Variants in MTA3 observed in about 807,000 individuals in gnomAD.
The protein encoded by MTA3 is metastasis associated 1 family member 3, also known as metastasis-associated protein MTA3.
In MTA3, 34 loss-of-function variants were observed where a neutral mutation model predicts 83.5. The observed-to-expected ratio is 0.41, with a 90% confidence interval of 0.31 to 0.54. MTA3 has a LOEUF of 0.54. MTA3 is among the 20% of genes least tolerant of loss of function. The pLI, the probability that MTA3 is intolerant of heterozygous loss-of-function variation, is 0.33. For synonymous variants in MTA3, 303 were observed against 252.7 expected (o/e 1.20, Z -1.89); for missense variants, 761 against 726.4 (o/e 1.05, Z -0.55).
chr2:42,610,157 T>C (rs1037820336), intron 4 of MTA3, among the ~76,000 whole-genome samples: 2 of 152,132 alleles, frequency 1.3e-5, no homozygotes, highest in Non-Finnish European at 2.9e-5. Context: ...CCCGATTGAT[T>C]TGAATATCTT....
intron 8 of MTA3, among the ~76,000 whole-genome samples, chr2:42,663,869 A>G (rs1172282434): frequency 6.6e-6 from 1 of 152,140 alleles, no homozygotes; most frequent in African/African-American, 2.4e-5. Context: ...TTCCATTCTG[A>G]AGCTTAGTAA....
At position 42,682,505 on chromosome 2, in the gene MTA3, G is replaced by A. The variant is rs1692021039; in HGVS notation, c.807G>A (p.Glu269=). The A allele has an allele frequency of 6.2e-7, 1 of 1,612,416 alleles. No homozygotes were observed. Among genetic ancestry groups the A allele is most frequent in the Non-Finnish European group, 8.5e-7 (1 of 1,179,320 alleles). ...GGPVLCRDEM[E]EWSASEASLF... ...CTGTTTTATGCAGAGATGAAATGGA[G>A]GAATGGTCAGCCTCTGAAGCTAGCT... Residue 269 remains glutamate, a synonymous_variant, in exon 9 of 17, where the codon GAG becomes GAA. Transcript: ENST00000405094.
intron 4 of MTA3, among the ~76,000 whole-genome samples, chr2:42,634,859 C>T (rs911181066): frequency 6.6e-6 from 1 of 151,812 alleles, no homozygotes; most frequent in South Asian, 2.1e-4. Context: ...TTCCCTATTC[C>T]CTTTGCCATC....
At position 42,609,482 on chromosome 2, in the gene MTA3, C is replaced by T. The variant is rs1292705801; in HGVS notation, c.215C>T (p.Thr72Ile). ...GAAGAAATTGAGGAAGAATCTGAAA[C>T]AACAGTTGAGGCTGACTTGACCGAT... is the stretch of plus-strand genomic sequence containing the variant. ...HAKEIEEESE[T>I]TVEADLTDKQ... The change falls in exon 4 of 17, where the codon ACA (threonine) becomes ATA (isoleucine). Residue 72 changes from threonine to isoleucine, a missense_variant. By Grantham distance (89) the Thr-to-Ile change is moderately conservative (BLOSUM62 -1). Coordinates refer to ENST00000405094, the MANE Select transcript of MTA3 (RefSeq NM_001330442.2). 3.7e-6 allele frequency: 6 copies of T among 1,613,614 alleles called. No homozygotes were observed. The highest frequency in any genetic ancestry group is 3.3e-4 in the Middle Eastern group (2 of 6,062).
intron 3 of MTA3, among the ~76,000 whole-genome samples, chr2:42,580,229 C>T (rs1679464915): frequency 6.6e-6 from 1 of 152,082 alleles, no homozygotes; most frequent in African/African-American, 2.4e-5. Context: ...GATCCTCCTG[C>T]CTCAGCTTTC....
In MTA3 at chr2:42,719,022, A is replaced by T. The variant is rs1261278425; in HGVS notation, c.1560A>T (p.Pro520=). The change falls in exon 15 of 17, where the codon CCA becomes CCT. Residue 520 remains proline, a synonymous_variant. Coordinates refer to ENST00000405094, the MANE Select transcript of MTA3 (RefSeq NM_001330442.2). Reference sequence around the variant, plus strand: ...GACATGCTGAACTATCTGGAAGTCCACTGAAAAGCAAAAGCACTAGGAAGC... The same window carrying T: ...GACATGCTGAACTATCTGGAAGTCCTCTGAAAAGCAAAAGCACTAGGAAGC... ...ADRHAELSGS[P]LKSKSTRKPL... The T allele has an allele frequency of 1.3e-6, 2 of 1,550,340 alleles. No individual in the cohort carries two copies. The highest frequency in any genetic ancestry group is 1.7e-6 in the Non-Finnish European group (2 of 1,146,920).
At chr2:42,715,933 C>G (rs1280871745) in intron 14 of MTA3, among the ~76,000 whole-genome samples, 1 of 152,158 alleles carries the variant, frequency 6.6e-6, no homozygotes, top group East Asian at 1.9e-4. Context: ...AAAAATTTAT[C>G]TTGTCCTTAT....
chr2:42,716,591 C>T (rs909066924), intron 14 of MTA3, among the ~76,000 whole-genome samples: 4 of 152,182 alleles, frequency 2.6e-5, no homozygotes, highest in Non-Finnish European at 4.4e-5. Context: ...ATTTGGTTTT[C>T]TGTTACTGTA....
At chr2:42,627,133 G>T (rs1422515194) in intron 4 of MTA3, among the ~76,000 whole-genome samples, 1 of 152,004 alleles carries the variant, frequency 6.6e-6, no homozygotes, top group Non-Finnish European at 1.5e-5. Context: ...CTGGAGTGCA[G>T]TGGCACGATT....
At chr2:42,688,217 A>G (rs369235850) in intron 9 of MTA3, among the ~76,000 whole-genome samples, 3 of 152,134 alleles carry the variant, frequency 2.0e-5, no homozygotes, top group East Asian at 3.9e-4. Context: ...GACTACAGGC[A>G]TGTTGTGCCA....
At position 42,749,935 on chromosome 2, in the gene MTA3, A is replaced by G. The variant is rs6741330; in HGVS notation, c.1760-3439A>G. ...AAACAACATACTATGTATGTTTCATAGATACTGTATTTTTTCTTCCCTGAG... is the reference window on the plus strand; with the variant it reads ...AAACAACATACTATGTATGTTTCATGGATACTGTATTTTTTCTTCCCTGAG... On this transcript the variant is annotated intron_variant, in intron 16 of 16. Transcript: ENST00000405094. 9.1e-3 allele frequency among the ~76,000 whole-genome samples: 1,387 copies of G among 152,212 alleles called. 21 individuals carry two copies. Among genetic ancestry groups the G allele is most frequent in the African/African-American group, 0.032 (1,337 of 41,520 alleles).
At chr2:42,646,178 A>G (rs1420245605) in intron 6 of MTA3, among the ~76,000 whole-genome samples, 1 of 152,210 alleles carries the variant, frequency 6.6e-6, no homozygotes, top group Non-Finnish European at 1.5e-5. Flanking sequence ...ACTGCTTAGG[A>G]AAAAGGATTC....
At chr2:42,682,353 C>G in intron 8 of MTA3, 48 bp from the exon 9 acceptor site, 1 of 1,365,488 alleles carries the variant, frequency 7.3e-7, no homozygotes, top group Non-Finnish European at 1.0e-6. Flanking sequence ...CATAATGTAG[C>G]ATGTTTGCAT....
chr2:42,676,274 ATAC>A (rs1387716640), intron 8 of MTA3, among the ~76,000 whole-genome samples: 3 of 152,234 alleles, frequency 2.0e-5, no homozygotes, highest in African/African-American at 7.2e-5. Context: ...GAAGGCTAAG[ATAC>A]TACTTCAGTT....
At position 42,753,447 on chromosome 2, in the gene MTA3, C is replaced by T. The variant is rs767834488; in HGVS notation, c.*48C>T. 1.7e-5 allele frequency: 27 copies of T among 1,550,166 alleles called. No individual in the cohort carries two copies. The highest frequency in any genetic ancestry group is 2.0e-5 in the Admixed American group (1 of 50,956). On this transcript the variant is annotated 3_prime_UTR_variant, in exon 17 of 17. Coordinates refer to ENST00000405094, the MANE Select transcript of MTA3 (RefSeq NM_001330442.2). ...ATCCAAGACTTGCTGCACTGTCCTG[C>T]TGATGTTCACAGCCGTGCCTGGGAA... is the stretch of plus-strand genomic sequence containing the variant.
At chr2:42,541,247 T>G (rs1676505912) in intron 2 of MTA3, among the ~76,000 whole-genome samples, 1 of 152,306 alleles carries the variant, frequency 6.6e-6, no homozygotes, top group East Asian at 1.9e-4. Flanking sequence ...GTCAGGCTGG[T>G]CTCGAACTCC....
At chr2:42,678,947 T>C (rs1691629090) in intron 8 of MTA3, among the ~76,000 whole-genome samples, 2 of 152,176 alleles carry the variant, frequency 1.3e-5, no homozygotes, top group Admixed American at 1.3e-4. Context: ...GAAATGATCT[T>C]TCACATACAT....
At chr2:42,611,586 G>T (rs564498043) in intron 4 of MTA3, among the ~76,000 whole-genome samples, 2 of 152,200 alleles carry the variant, frequency 1.3e-5, no homozygotes, top group East Asian at 1.9e-4. Context: ...GCCTAGGTGG[G>T]AGGAGGATTG....
intron 2 of MTA3, among the ~76,000 whole-genome samples, chr2:42,520,768 G>T (rs1382305005): frequency 6.6e-6 from 1 of 151,880 alleles, no homozygotes; most frequent in Non-Finnish European, 1.5e-5. Flanking sequence ...GTCTCCCTAT[G>T]TTGCCCGGGC....
Sources: allele counts gnomAD v4.1 joint callset (sites outside exome capture counted in the v4.1 genomes callset), GRCh38; gene constraint gnomAD v4.1.1; transcripts MANE v1.5; gene names NCBI Gene and HGNC (gene_info 2026-07-23, HGNC 2026-07-21).